Variants in SNX24 observed in about 807,000 individuals in gnomAD.
SNX24 encodes the protein sorting nexin 24, also known as sorting nexin-24.
A neutral mutation model predicts 28.7 loss-of-function variants in SNX24; 22 were observed. The ratio of observed to expected loss-of-function variants is 0.77; its 90% CI spans 0.55 to 1.10. The LOEUF (loss-of-function observed/expected upper bound fraction) is 1.10. Among genes scored for constraint, SNX24 ranks in the 50% least tolerant of loss-of-function variants. SNX24 has a pLI of 0.00. For synonymous variants in SNX24, 69 were observed against 71.5 expected, an observed-to-expected ratio of 0.96 and a Z score of 0.18; for missense variants, 221 against 201.1, an observed-to-expected ratio of 1.10 and a Z score of -0.60.
At chr5:122,903,586 T>A (rs1341975345) in intron 1 of SNX24, among the ~76,000 whole-genome samples, 2 of 152,196 alleles carry the variant, frequency 1.3e-5, no homozygotes, top group Non-Finnish European at 2.9e-5. Flanking sequence ...TGCACACTGC[T>A]CAGCTCATCT....
intron 3 of SNX24, among the ~76,000 whole-genome samples, chr5:122,964,405 C>T (rs1488656495): frequency 2.6e-5 from 4 of 152,056 alleles, no homozygotes; most frequent in Non-Finnish European, 5.9e-5. Flanking sequence ...TGCTGTTAAA[C>T]ACCTCACAAT....
chr5:122,929,644 C>CT (rs796782207), intron 1 of SNX24, among the ~76,000 whole-genome samples: 1 of 151,954 alleles, frequency 6.6e-6, no homozygotes. Context: ...ATTTAAGTCC[C>CT]TTTTTTTCTT....
chr5:122,981,662 G>A (rs943917907), intron 3 of SNX24, among the ~76,000 whole-genome samples: 7 of 147,626 alleles, frequency 4.7e-5, no homozygotes, highest in Non-Finnish European at 9.2e-5. Context: ...TACATGTTTT[G>A]TTTTGTTTTT....
chr5:122,862,036 A>C (rs1167427362), intron 1 of SNX24, among the ~76,000 whole-genome samples: 1 of 152,200 alleles, frequency 6.6e-6, no homozygotes. Context: ...GGCCGCTGAC[A>C]TGAAAGCTCA....
At chr5:122,968,837 ACTTCAT>A (rs936162913) in intron 3 of SNX24, among the ~76,000 whole-genome samples, 96 of 151,066 alleles carry the variant, frequency 6.4e-4, no homozygotes, top group African/African-American at 2.3e-3. Context: ...TTTGTTTATT[ACTTCAT>A]CTTCATATTA....
rs148726030 is a variant in SNX24 at position 122,916,145 on chromosome 5, C to T, written c.61-20589C>T. On this transcript the variant is annotated intron_variant, in intron 1 of 6. Coordinates refer to ENST00000261369, the MANE Select transcript of SNX24 (RefSeq NM_014035.4). ...TAGAAGTGAGAGTAAATGATCTATC[C>T]AAGATAGCATGGCCACTTAATATCA... Among the ~76,000 whole-genome samples the T allele has an allele frequency of 1.5e-4, 23 of 152,336 alleles. 1 individual carries two copies. In the East Asian group the frequency reaches 3.7e-3, roughly 24 times the overall value.
chr5:122,998,080 C>G (rs1236553682), intron 3 of SNX24: 3 of 151,854 alleles, frequency 2.0e-5, no homozygotes, highest in African/African-American at 7.3e-5. Context: ...TAGGTAAAAA[C>G]TGAGATGAAA....
chr5:122,865,358 T>C (rs1428674755), intron 1 of SNX24, among the ~76,000 whole-genome samples: 1 of 152,252 alleles, frequency 6.6e-6, no homozygotes, highest in African/African-American at 2.4e-5. Context: ...TGAGACTGAA[T>C]CTTGCTCTGT....
At chr5:122,871,815 C>G (rs1053763939) in intron 1 of SNX24, among the ~76,000 whole-genome samples, 3 of 151,986 alleles carry the variant, frequency 2.0e-5, no homozygotes, top group East Asian at 3.9e-4. Context: ...TCATCCTGCT[C>G]GAGGAAGTTC....
chr5:122,908,154 G>T (rs1392981296), intron 1 of SNX24, among the ~76,000 whole-genome samples: 1 of 152,224 alleles, frequency 6.6e-6, no homozygotes, highest in East Asian at 1.9e-4. Context: ...TTAAGCTCTT[G>T]TGTACGGGGA....
At chr5:122,846,070 G>A (rs1285286094) in intron 1 of SNX24, among the ~76,000 whole-genome samples, 1 of 152,138 alleles carries the variant, frequency 6.6e-6, no homozygotes, top group Non-Finnish European at 1.5e-5. Context: ...GATTCACGCT[G>A]GCTTCCAAGT....
At chr5:122,905,320 G>A (rs1261724268) in intron 1 of SNX24, among the ~76,000 whole-genome samples, 1 of 152,070 alleles carries the variant, frequency 6.6e-6, no homozygotes, top group Non-Finnish European at 1.5e-5. Context: ...TTCTGCCAGC[G>A]CACCCTGAGA....
intron 3 of SNX24, among the ~76,000 whole-genome samples, chr5:122,959,638 A>G (rs545277136): frequency 6.6e-6 from 1 of 151,906 alleles, no homozygotes; most frequent in South Asian, 2.1e-4. Flanking sequence ...TGGGAAGACT[A>G]TCAACTGAGA....
chr5:122,891,712 T>A (rs970724789), intron 1 of SNX24, among the ~76,000 whole-genome samples: 1 of 152,238 alleles, frequency 6.6e-6, no homozygotes, highest in African/African-American at 2.4e-5. Flanking sequence ...CTGGTCTGAT[T>A]TACTTATGTA....
intron 1 of SNX24, among the ~76,000 whole-genome samples, chr5:122,920,449 A>G (rs376696844): frequency 3.9e-5 from 6 of 152,348 alleles, no homozygotes; most frequent in Middle Eastern, 3.4e-3. Context: ...GTAAGCATGC[A>G]TGGTTCGATA....
intron 1 of SNX24, among the ~76,000 whole-genome samples, chr5:122,928,113 T>G (rs996699637): frequency 1.3e-5 from 2 of 152,190 alleles, no homozygotes; most frequent in South Asian, 4.1e-4. Flanking sequence ...ACTCACCTCT[T>G]CCCACTGCCA....
chr5:122,868,925 C>T (rs943520840), intron 1 of SNX24, among the ~76,000 whole-genome samples: 20 of 152,216 alleles, frequency 1.3e-4, no homozygotes, highest in African/African-American at 3.1e-4. Flanking sequence ...AAAAGTGAAA[C>T]GTACTCTTCC....
At chr5:122,848,167 A>T (rs574444840) in intron 1 of SNX24, among the ~76,000 whole-genome samples, 2 of 152,268 alleles carry the variant, frequency 1.3e-5, no homozygotes, top group South Asian at 4.1e-4. Flanking sequence ...CAGTGGCGCA[A>T]TCCTAGCTCA....
At chr5:122,908,094 G>A (rs1306402811) in intron 1 of SNX24, among the ~76,000 whole-genome samples, 1 of 152,150 alleles carries the variant, frequency 6.6e-6, no homozygotes, top group Admixed American at 6.5e-5. Context: ...TCAGGAGATG[G>A]GTTTGGTGCT....
Sources: allele counts gnomAD v4.1 joint callset (sites outside exome capture counted in the v4.1 genomes callset), GRCh38; gene constraint gnomAD v4.1.1; transcripts MANE v1.5; gene names NCBI Gene and HGNC (gene_info 2026-07-23, HGNC 2026-07-21).